BRINP3: variants seen among roughly 807,000 people sequenced by gnomAD.
The protein encoded by BRINP3 is BMP/retinoic acid inducible neural specific 3.
A neutral mutation model predicts 71.0 loss-of-function variants in BRINP3; 19 were observed. The ratio of observed to expected loss-of-function variants is 0.27; its 90% CI spans 0.19 to 0.39. BRINP3 has a LOEUF of 0.39. Ranked by LOEUF, BRINP3 falls within the 10% of genes least tolerant of loss-of-function variation. BRINP3 has a pLI of 1.00. For synonymous variants in BRINP3, 380 were observed against 337.7 expected, an observed-to-expected ratio of 1.13 and a Z score of -1.37; for missense variants, 959 against 940.8, an observed-to-expected ratio of 1.02 and a Z score of -0.25.
chr1:190,182,648 T>C (rs1300023572), intron 6 of BRINP3, among the ~76,000 whole-genome samples: 1 of 152,130 alleles, frequency 6.6e-6, no homozygotes, highest in Non-Finnish European at 1.5e-5. Context: ...TGCATGATAG[T>C]AGTGTTTTTC....
rs71123082 is a variant in BRINP3 at position 190,307,258 on chromosome 1, G to GTT, written c.237-25510_237-25509dup. Among the ~76,000 whole-genome samples the GTT allele has an allele frequency of 6.1e-3, 319 of 52,634 alleles. 94 individuals carry two copies. The highest frequency in any genetic ancestry group is 0.024 in the Middle Eastern group (1 of 42). 34.5% of individuals were successfully genotyped at this position (52,634 alleles called of 152,430 possible). A position where few individuals can be genotyped will look rare whatever the true frequency, so the allele number is the denominator to read the frequency against. On this transcript the variant is annotated intron_variant, in intron 2 of 7. Transcript: ENST00000367462. Reference sequence around the variant, plus strand: ...AACTGAGCTCCTCATTTAAAACATTGTTTTTTTTTTTTTTTTTTTTTTTTT... The same window carrying GTT: ...AACTGAGCTCCTCATTTAAAACATTGTTTTTTTTTTTTTTTTTTTTTTTTTTT...
intron 2 of BRINP3, among the ~76,000 whole-genome samples, chr1:190,437,889 GAT>G (rs1470713133): frequency 6.6e-6 from 1 of 151,660 alleles, no homozygotes; most frequent in Non-Finnish European, 1.5e-5. Flanking sequence ...TATTTCAAAA[GAT>G]AACGTTCTAC....
chr1:190,358,689 G>T (rs2102099847), intron 2 of BRINP3, among the ~76,000 whole-genome samples: 1 of 152,194 alleles, frequency 6.6e-6, no homozygotes, highest in Non-Finnish European at 1.5e-5. Context: ...TATAAATCAT[G>T]CTGCTATAAA....
intron 2 of BRINP3, among the ~76,000 whole-genome samples, chr1:190,411,018 A>G (rs1672628981): frequency 6.6e-6 from 1 of 152,144 alleles, no homozygotes; most frequent in African/African-American, 2.4e-5. Flanking sequence ...GACTCCTGAT[A>G]AAGAAGCAAG....
rs138485431 is a variant in BRINP3 at position 190,100,876 on chromosome 1, T to C, written c.1185-1742A>G. On this transcript the variant is annotated intron_variant, in intron 7 of 7. Coordinates refer to ENST00000367462, the MANE Select transcript of BRINP3 (RefSeq NM_199051.3). Reference sequence around the variant, plus strand: ...CAAAGTTCATGTGCTGGGAACTTGATTGTTAATGCAGTGATATTGTGAGGT... The same window carrying C: ...CAAAGTTCATGTGCTGGGAACTTGACTGTTAATGCAGTGATATTGTGAGGT... 6.6e-5 allele frequency among the ~76,000 whole-genome samples: 10 copies of C among 152,346 alleles called. No individual in the cohort carries two copies. In the East Asian group the frequency reaches 1.2e-3, roughly 18 times the overall value.
At chr1:190,308,518 G>A (rs1024843588) in intron 2 of BRINP3, among the ~76,000 whole-genome samples, 2 of 151,718 alleles carry the variant, frequency 1.3e-5, no homozygotes, top group Non-Finnish European at 2.9e-5. Context: ...GGGAGGGATA[G>A]CATTAGGTGA....
intron 7 of BRINP3, among the ~76,000 whole-genome samples, chr1:190,108,617 C>T (rs1430618965): frequency 2.9e-5 from 4 of 140,298 alleles, no homozygotes; most frequent in African/African-American, 1.1e-4. Flanking sequence ...GTATGCCTAA[C>T]CATCTATGGC....
chr1:190,461,617 T>A (rs1262031454), intron 1 of BRINP3, among the ~76,000 whole-genome samples: 1 of 152,138 alleles, frequency 6.6e-6, no homozygotes, highest in Admixed American at 6.6e-5. Flanking sequence ...CATAAATAAG[T>A]ATTGTTAGAG....
intron 7 of BRINP3, among the ~76,000 whole-genome samples, chr1:190,101,498 G>T (rs1571697061): frequency 6.6e-6 from 1 of 152,100 alleles, no homozygotes; most frequent in East Asian, 1.9e-4. Context: ...TTACTGACAT[G>T]TTTATGCCAT....
In BRINP3 at chr1:190,329,382, A is replaced by G. The variant is rs111618632; in HGVS notation, c.237-47632T>C. ...AAAATCAGGGACACTTCTATGCAAC[A>G]ATAACATTCAAGCTGAGAGCTACAT... On this transcript the variant is annotated intron_variant, in intron 2 of 7. Transcript: ENST00000367462. 5.1e-3 allele frequency among the ~76,000 whole-genome samples: 778 copies of G among 152,094 alleles called. 7 individuals are homozygous for G. The highest frequency in any genetic ancestry group is 0.018 in the African/African-American group (728 of 41,522).
intron 7 of BRINP3, among the ~76,000 whole-genome samples, chr1:190,139,505 T>A (rs1472017004): frequency 6.6e-6 from 1 of 151,208 alleles, no homozygotes; most frequent in Non-Finnish European, 1.5e-5. Flanking sequence ...ATCTTTGTCA[T>A]CTGACATTTG....
intron 7 of BRINP3, among the ~76,000 whole-genome samples, chr1:190,113,706 A>G (rs886641244): frequency 3.9e-5 from 6 of 152,202 alleles, no homozygotes; most frequent in Non-Finnish European, 8.8e-5. Flanking sequence ...TCCTCCGTCA[A>G]TTAGTGGCAA....
chr1:190,170,074 AG>A (rs1288664593), intron 6 of BRINP3, among the ~76,000 whole-genome samples: 2 of 152,174 alleles, frequency 1.3e-5, no homozygotes, highest in African/African-American at 4.8e-5. Context: ...TAGAGTTGAC[AG>A]GAAAATAAAA....
intron 3 of BRINP3, among the ~76,000 whole-genome samples, chr1:190,275,697 A>T (rs569762954): frequency 6.6e-6 from 1 of 151,882 alleles, no homozygotes; most frequent in East Asian, 1.9e-4. Context: ...TAAAAGAACC[A>T]GAAAAAATAT....
At chr1:190,283,081 A>G (rs1399299765) in intron 2 of BRINP3, among the ~76,000 whole-genome samples, 1 of 151,990 alleles carries the variant, frequency 6.6e-6, no homozygotes, top group Non-Finnish European at 1.5e-5. Flanking sequence ...TGTGGCACAT[A>G]TTTGACAAAC....
chr1:190,368,303 T>G (rs558803921), intron 2 of BRINP3, among the ~76,000 whole-genome samples: 1 of 152,040 alleles, frequency 6.6e-6, no homozygotes, highest in African/African-American at 2.4e-5. Context: ...TCAAATCTCA[T>G]GAGAAACGAC....
At chr1:190,430,613 A>T (rs896936350) in intron 2 of BRINP3, among the ~76,000 whole-genome samples, 2 of 152,196 alleles carry the variant, frequency 1.3e-5, no homozygotes, top group African/African-American at 4.8e-5. Context: ...GTATAATTAA[A>T]ATATATTTTG....
At chr1:190,390,467 G>T (rs1480730010) in intron 2 of BRINP3, among the ~76,000 whole-genome samples, 1 of 151,750 alleles carries the variant, frequency 6.6e-6, no homozygotes, top group African/African-American at 2.4e-5. Context: ...GGTATTAGAA[G>T]AATCTTCCCT....
Position 190,425,212 on chromosome 1 carries a change from A to T in BRINP3, c.236+29443T>A, listed in dbSNP as rs147832440. ...AAGGATATGAAACCTATGAACTAAA[A>T]GTGTTATATAACAGTTTACATAGAT... is the stretch of plus-strand genomic sequence containing the variant. On this transcript the variant is annotated intron_variant, in intron 2 of 7. Transcript: ENST00000367462. 4.8e-3 allele frequency among the ~76,000 whole-genome samples: 724 copies of T among 151,838 alleles called. 6 individuals carry two copies. Among genetic ancestry groups the T allele is most frequent in the African/African-American group, 0.016 (650 of 41,536 alleles).
Sources: allele counts gnomAD v4.1 joint callset (sites outside exome capture counted in the v4.1 genomes callset), GRCh38; gene constraint gnomAD v4.1.1; transcripts MANE v1.5; gene names NCBI Gene and HGNC (gene_info 2026-07-23, HGNC 2026-07-21).